The following SHC4 variants were observed in gnomAD, a reference collection of about 807,000 sequenced individuals.
SHC4 encodes SHC adaptor protein 4, also known as SHC-transforming protein 4.
SHC4 carries 41 observed loss-of-function variants against 69.4 expected under a neutral mutation model. The ratio of observed to expected loss-of-function variants is 0.59; its 90% confidence interval spans 0.46 to 0.77. SHC4 has a LOEUF of 0.77. Among genes scored for constraint, SHC4 ranks in the 30% least tolerant of loss-of-function variants. SHC4 has a pLI of 0.00. For missense variants in SHC4, 777 were observed against 783.8 expected (o/e 0.99, Z 0.10); for synonymous variants, 318 against 299.3 (o/e 1.06, Z -0.64).
At chr15:48,877,983 C>A (rs908493320) in intron 4 of SHC4, 8 of 576,094 alleles carry the variant, frequency 1.4e-5, no homozygotes, top group Non-Finnish European at 2.3e-5. Context: ...GCTCAAAAGG[C>A]GACGCCAACA....
chr15:48,952,787 G>A (rs1901386721), intron 1 of SHC4, among the ~76,000 whole-genome samples: 1 of 152,168 alleles, frequency 6.6e-6, no homozygotes, highest in Non-Finnish European at 1.5e-5. Flanking sequence ...GTGAGATTGT[G>A]GAGAAAAGGG....
chr15:48,856,124 ACTGTG>A lies in SHC4; in HGVS notation c.1071-5_1071-1del. ...CATGGCTATCAATATGCACCTCCTC[ACTGTG>A]AAGGAAAAAAGAATCCTCAAGAGGC... is the stretch of plus-strand genomic sequence containing the variant. On this transcript the variant is annotated splice_acceptor_variant and splice_polypyrimidine_tract_variant and intron_variant, in intron 7 of 11. Coordinates refer to ENST00000332408, the MANE Select transcript of SHC4 (RefSeq NM_203349.4). LOFTEE classifies it high-confidence loss of function. 1.2e-6 allele frequency: 2 copies of A among 1,609,392 alleles called. No individual in the cohort carries two copies. The highest frequency in any genetic ancestry group is 1.3e-5 in the African/African-American group (1 of 74,842).
At chr15:48,826,252 ACT>A in intron 11 of SHC4, 126 bp from the exon 12 acceptor site, 2 of 855,118 alleles carry the variant, frequency 2.3e-6, no homozygotes. Flanking sequence ...AAGAAAAGGT[ACT>A]TTTTTTTTTT....
At chr15:48,927,858 T>C (rs1385759117) in intron 1 of SHC4, among the ~76,000 whole-genome samples, 1 of 152,164 alleles carries the variant, frequency 6.6e-6, no homozygotes, top group Non-Finnish European at 1.5e-5. Context: ...TATTCATCAC[T>C]GATTGATTAT....
At chr15:48,956,273 T>C (rs1393304651) in intron 1 of SHC4, among the ~76,000 whole-genome samples, 2 of 152,174 alleles carry the variant, frequency 1.3e-5, no homozygotes, top group African/African-American at 2.4e-5. Context: ...GAAAGCCATG[T>C]TTCTTTGCTG....
At chr15:48,842,096 A>C (rs938581872) in intron 10 of SHC4, among the ~76,000 whole-genome samples, 14 of 152,132 alleles carry the variant, frequency 9.2e-5, no homozygotes, top group African/African-American at 3.4e-4. Flanking sequence ...CAACTTCAAT[A>C]TTTTATGAAA....
intron 6 of SHC4, among the ~76,000 whole-genome samples, chr15:48,862,019 C>G (rs1899453797): frequency 6.6e-6 from 1 of 152,070 alleles, no homozygotes. Flanking sequence ...CCAGATGGTG[C>G]TATGGGATCA....
chr15:48,877,638 T>TAC, intron 4 of SHC4: 1 of 671,990 alleles, frequency 1.5e-6, no homozygotes, highest in Non-Finnish European at 1.8e-6. Context: ...TCACTATAAC[T>TAC]AAAAAAAAAA....
chr15:48,888,714 G>C (rs1900081736), intron 3 of SHC4, among the ~76,000 whole-genome samples: 1 of 151,934 alleles, frequency 6.6e-6, no homozygotes, highest in African/African-American at 2.4e-5. Flanking sequence ...GGCCAAAATG[G>C]TAAAACCTCA....
chr15:48,883,574 G>C (rs1366406169), intron 4 of SHC4, among the ~76,000 whole-genome samples: 1 of 152,158 alleles, frequency 6.6e-6, no homozygotes, highest in Non-Finnish European at 1.5e-5. Context: ...AAGGAATTTA[G>C]TTTAAAAAAT....
At chr15:48,957,406 T>C (rs1901473992) in intron 1 of SHC4, among the ~76,000 whole-genome samples, 1 of 152,174 alleles carries the variant, frequency 6.6e-6, no homozygotes, top group African/African-American at 2.4e-5. Flanking sequence ...TATTCTCCTA[T>C]GGAAAAGCTA....
chr15:48,922,711 G>A (rs1431738803), intron 2 of SHC4, among the ~76,000 whole-genome samples: 1 of 152,160 alleles, frequency 6.6e-6, no homozygotes, highest in Admixed American at 6.5e-5. Context: ...AGGACAGTGG[G>A]GATTCCTTTG....
At chr15:48,946,542 G>A (rs1254429310) in intron 1 of SHC4, 1 of 974,054 alleles carries the variant, frequency 1.0e-6, no homozygotes, top group Admixed American at 6.2e-5. Context: ...CAGCCTAGTT[G>A]TAAAATCGGA....
chr15:48,951,273 G>T (rs909771498), intron 1 of SHC4, among the ~76,000 whole-genome samples: 3 of 151,752 alleles, frequency 2.0e-5, no homozygotes, highest in East Asian at 1.9e-4. Flanking sequence ...TCCTGCCTGT[G>T]ACCCATTTCC....
At chr15:48,873,433 C>T (rs988478529) in intron 4 of SHC4, among the ~76,000 whole-genome samples, 9 of 152,156 alleles carry the variant, frequency 5.9e-5, no homozygotes, top group Admixed American at 2.0e-4. Context: ...ATACAAAGAT[C>T]AATGTCATTC....
At chr15:48,880,985 A>AGT (rs10523567) in intron 4 of SHC4, among the ~76,000 whole-genome samples, 13,097 of 145,906 alleles carry the variant, frequency 0.09, 634 homozygotes, top group East Asian at 0.19. Context: ...TGTGTGTGAG[A>AGT]GTGTGTGTGT....
chr15:48,858,879 T>C (rs531160214), intron 6 of SHC4, among the ~76,000 whole-genome samples: 1 of 152,294 alleles, frequency 6.6e-6, no homozygotes, highest in South Asian at 2.1e-4. Context: ...TTGTCAGCTA[T>C]TTTCTGAGAA....
At chr15:48,855,540 G>A (rs775251274) in intron 8 of SHC4, among the ~76,000 whole-genome samples, 2 of 152,150 alleles carry the variant, frequency 1.3e-5, no homozygotes. Flanking sequence ...TAGAGAAAGA[G>A]TGAAGATTGA....
intron 1 of SHC4, among the ~76,000 whole-genome samples, chr15:48,952,832 T>A (rs1044508779): frequency 6.6e-6 from 1 of 152,344 alleles, no homozygotes; most frequent in Middle Eastern, 3.4e-3. Context: ...GTGCAAATAG[T>A]TCAACCATTG....
Sources: allele counts gnomAD v4.1 joint callset (sites outside exome capture counted in the v4.1 genomes callset), GRCh38; gene constraint gnomAD v4.1.1; transcripts MANE v1.5; gene names NCBI Gene and HGNC (gene_info 2026-07-23, HGNC 2026-07-21).